Variants in CDH23 observed in about 807,000 individuals in gnomAD.
CDH23 encodes cadherin-23.
CDH23 carries 189 observed loss-of-function variants against 317.1 expected under a neutral mutation model. The observed-to-expected ratio is 0.60, with a 90% CI of 0.53 to 0.67. The LOEUF is 0.67. Ranked by LOEUF, CDH23 falls within the 30% of genes least tolerant of loss-of-function variation. CDH23 has a pLI of 0.00. For synonymous variants in CDH23, 1,839 were observed against 1,876.8 expected (o/e 0.98, Z 0.52); for missense variants, 4,401 against 4,592.4 (o/e 0.96, Z 1.20).
In CDH23 at chr10:71,705,042, C is replaced by T. The variant is rs79636933; in HGVS notation, c.2865C>T (p.Arg955=). The change falls in exon 25 of 70, where the codon CGC becomes CGT. Residue 955 remains arginine, a synonymous_variant. Coordinates refer to ENST00000224721, the MANE Select transcript of CDH23 (RefSeq NM_022124.6). ...TGGTCACCACCACCGAGCTGGACCG[C>T]GAGCGCATCGCGGAGTACCAGCTGC... ...GVVVTTTELD[R]ERIAEYQLRV... The T allele has an allele frequency of 2.0e-4, 318 of 1,612,696 alleles. 1 individual carries two copies. In the African/African-American group the frequency reaches 2.9e-3, roughly 15 times the overall value.
chr10:71,784,266 G>T (rs1210832342), intron 41 of CDH23, 21 bp from the exon 42 acceptor site: 2 of 1,607,270 alleles, frequency 1.2e-6, no homozygotes, highest in Admixed American at 1.7e-5. Flanking sequence ...ACTAACTTGG[G>T]CCTCTCCTGG....
intron 6 of CDH23, among the ~76,000 whole-genome samples, chr10:71,513,355 C>T (rs553282985): frequency 2.6e-5 from 4 of 152,226 alleles, no homozygotes; most frequent in African/African-American, 7.2e-5. Flanking sequence ...TGGCTCTGAC[C>T]ACAGCTGGGG....
rs1345081104 is a variant in CDH23 at position 71,751,572 on chromosome 10, CTCT to C, written c.4845+9654_4845+9656del. 4 of 1,393,512 alleles carry C rather than the reference CTCT, an allele frequency of 2.9e-6. No individual in the cohort carries two copies. The highest frequency in any genetic ancestry group is 2.5e-5 in the Admixed American group (1 of 39,284). 86.3% of individuals were successfully genotyped at this position (1,393,512 alleles called of 1,614,324 possible). On this transcript the variant is annotated intron_variant, in intron 38 of 69. Coordinates refer to ENST00000224721, the MANE Select transcript of CDH23 (RefSeq NM_022124.6). This position sits in a 1 kb window ranked among gnomAD's most constrained non-coding sequence, Gnocchi z 4.9. ...AACCCCACCCCGTGAGGCCGTGGAA[CTCT>C]TCAGGGAGGGCAGGGAGTGAGGCCG...
chr10:71,721,695 G>A (rs542469605), intron 28 of CDH23, among the ~76,000 whole-genome samples: 3 of 152,260 alleles, frequency 2.0e-5, no homozygotes, highest in East Asian at 1.9e-4. Flanking sequence ...GATGTGCATC[G>A]AGGCCAGCGC....
chr10:71,721,445 C>A (rs1866549818), intron 28 of CDH23, among the ~76,000 whole-genome samples: 2 of 152,218 alleles, frequency 1.3e-5, no homozygotes, highest in Admixed American at 1.3e-4. Context: ...GACTTCTGAT[C>A]TTCCCCTCAA....
rs1212015340 is a variant in CDH23 at position 71,679,561 on chromosome 10, C to T, written c.1858+69C>T. 3.3e-6 allele frequency: 4 copies of T among 1,228,274 alleles called. No homozygotes were observed. The African/African-American group carries it at 4.5e-5, about 14-fold the overall frequency. The allele number at this position is 1,228,274 out of a possible 1,614,324, so 76.1% of individuals were successfully genotyped here. ...GGGGGGCTCTCTGCACTCACACCTC[C>T]CTTGTGGGGATGAGGCGGGCACTCC... On this transcript the variant is annotated intron_variant, in intron 17 of 69. Coordinates refer to ENST00000224721, the MANE Select transcript of CDH23 (RefSeq NM_022124.6).
chr10:71,742,316 G>A (rs979127166), intron 38 of CDH23, among the ~76,000 whole-genome samples: 1 of 152,228 alleles, frequency 6.6e-6, no homozygotes, highest in African/African-American at 2.4e-5. Context: ...GTGCATGGTG[G>A]TGTCTTACAG....
chr10:71,566,684 G>A (rs1325375380), intron 6 of CDH23, 58 bp from the exon 7 acceptor site: 8 of 1,476,368 alleles, frequency 5.4e-6, no homozygotes, highest in Non-Finnish European at 7.3e-6. Context: ...ACTCAGCCCT[G>A]ATGGCGCAGC....
chr10:71,523,491 C>T (rs556179304), intron 6 of CDH23, among the ~76,000 whole-genome samples: 6 of 152,234 alleles, frequency 3.9e-5, no homozygotes, highest in East Asian at 1.9e-4. Flanking sequence ...GCTATTGGGG[C>T]GGAAAGCTCT....
rs1839421677 is a variant in CDH23 at position 71,732,382 on chromosome 10, GGC to G, written c.4104+8_4104+9del. The G allele has an allele frequency of 2.6e-6, 4 of 1,556,292 alleles. No homozygotes were observed. Among genetic ancestry groups the G allele is most frequent in the Non-Finnish European group, 3.5e-6 (4 of 1,149,502 alleles). ...CAAGATAGACGCCATCACGGTGAGG[GGC>G]TGGGGGCAGGGAGCACCATTTCTTC... is the stretch of plus-strand genomic sequence containing the variant. On this transcript the variant is annotated splice_region_variant and intron_variant, in intron 32 of 69. Transcript: ENST00000224721.
intron 3 of CDH23, among the ~76,000 whole-genome samples, chr10:71,509,066 C>T (rs1853805691): frequency 6.6e-6 from 1 of 152,206 alleles, no homozygotes; most frequent in African/African-American, 2.4e-5. Context: ...AGCCTAGGTG[C>T]CCTCAGGCCA....
rs373137681 is a variant in CDH23, at chr10:71,566,951, T to C, written c.624+15T>C. 6.8e-6 allele frequency: 11 copies of C among 1,607,704 alleles called. No homozygotes were observed. The highest frequency in any genetic ancestry group is 5.3e-5 in the African/African-American group (4 of 74,894). On this transcript the variant is annotated intron_variant, in intron 7 of 69. Transcript: ENST00000224721. ...TCAACGCCACAGTGAGTCTCCATGC[T>C]GGGGCCCCGGCCGTCCCAGCTGCCT...
In CDH23 at chr10:71,779,316, G is replaced by A. The variant is rs111033270; in HGVS notation, c.5237G>A (p.Arg1746Gln). 258 of 1,613,864 alleles carry A rather than the reference G, an allele frequency of 1.6e-4. No individual in the cohort carries two copies. Among genetic ancestry groups the A allele is most frequent in the African/African-American group, 2.3e-4 (17 of 74,926 alleles). The change falls in exon 41 of 70, where the codon CGG becomes CAG. Residue 1746 changes from arginine (R) to glutamine (Q), a missense_variant. Around this residue, in one of 3 missense-constraint regions of CDH23, gnomAD observed 3,068 missense variants for 3,203.3 expected, o/e 0.96. Coordinates refer to ENST00000224721, the MANE Select transcript of CDH23 (RefSeq NM_022124.6). ...AACGACAATGTGCCTACCTTCCCCC[G>A]GGACTATGAGGGACCATTTGAAGTC... The part of the protein sequence containing the change: ...DINDNVPTFP[R>Q]DYEGPFEVTE...
chr10:71,649,871 G>A (rs1863082105), intron 14 of CDH23, among the ~76,000 whole-genome samples: 1 of 152,204 alleles, frequency 6.6e-6, no homozygotes, highest in Non-Finnish European at 1.5e-5. Flanking sequence ...TTACAGATGA[G>A]GAAACAGATG....
chr10:71,764,509 T>C (rs1030130097), intron 38 of CDH23, among the ~76,000 whole-genome samples: 8 of 152,192 alleles, frequency 5.3e-5, no homozygotes, highest in African/African-American at 1.7e-4. Flanking sequence ...TGGCAACATT[T>C]AAAAACCAGG....
chr10:71,741,461 C>G (rs1019417471), intron 37 of CDH23, among the ~76,000 whole-genome samples: 6 of 152,194 alleles, frequency 3.9e-5, no homozygotes, highest in African/African-American at 1.4e-4. Context: ...ATGCCAGTAC[C>G]TAACTCACAG....
intron 1 of CDH23, among the ~76,000 whole-genome samples, chr10:71,403,719 G>C (rs1322300742): frequency 1.3e-5 from 2 of 151,660 alleles, no homozygotes; most frequent in African/African-American, 4.8e-5. Context: ...GTTTCACCAT[G>C]TTTACCGGGA....
chr10:71,622,569 A>G (rs1421707493), intron 11 of CDH23, among the ~76,000 whole-genome samples: 1 of 152,132 alleles, frequency 6.6e-6, no homozygotes, highest in Non-Finnish European at 1.5e-5. Context: ...GGTGCCTTAC[A>G]AATCCCAGCA....
At chr10:71,777,563 C>T in intron 38 of CDH23, 117 bp from the exon 39 acceptor site, 1 of 865,536 alleles carries the variant, frequency 1.2e-6, no homozygotes, top group South Asian at 1.6e-5. Context: ...GCTTTCTTCT[C>T]CTTGCCCTTT....
Sources: allele counts gnomAD v4.1 joint callset (sites outside exome capture counted in the v4.1 genomes callset), GRCh38; gene constraint gnomAD v4.1.1; regional missense constraint gnomAD v4.1.1; non-coding constraint Gnocchi (gnomAD v3.1); transcripts MANE v1.5; gene names NCBI Gene and HGNC (gene_info 2026-07-23, HGNC 2026-07-21).